SLC28A3: variants seen among roughly 807,000 people sequenced by gnomAD.
SLC28A3 encodes the protein concentrative Na(+)-nucleoside cotransporter 3.
Under a neutral mutation model 84.2 loss-of-function variants are expected in SLC28A3, and 68 were observed. That is an observed-to-expected ratio of 0.81 (90% confidence interval 0.66 to 0.99). The LOEUF is 0.99. Ranked by LOEUF, SLC28A3 falls within the 50% of genes least tolerant of loss-of-function variation. SLC28A3 has a pLI of 0.00. For synonymous variants in SLC28A3, 267 were observed against 303.6 expected, an observed-to-expected ratio of 0.88 and a Z score of 1.25; for missense variants, 712 against 841.5, an observed-to-expected ratio of 0.85 and a Z score of 1.90.
intron 6 of SLC28A3, 121 bp downstream of exon 6, chr9:84,299,460 A>G: frequency 1.5e-6 from 2 of 1,297,566 alleles, no homozygotes; most frequent in South Asian, 1.5e-5. Flanking sequence ...ACGTTAAATA[A>G]TCCCATCAAG....
intron 2 of SLC28A3, chr9:84,310,546 C>G (rs1825955626): frequency 2.0e-6 from 2 of 985,312 alleles, no homozygotes; most frequent in Non-Finnish European, 2.4e-6. Flanking sequence ...TGTCAAATCT[C>G]AGCACTTGTC....
At chr9:84,307,365 A>G (rs1336530225) in intron 3 of SLC28A3, among the ~76,000 whole-genome samples, 1 of 147,104 alleles carries the variant, frequency 6.8e-6, no homozygotes, top group Non-Finnish European at 1.5e-5. Context: ...TAGGAGGCGG[A>G]GGTTGCAGTG....
intron 1 of SLC28A3, among the ~76,000 whole-genome samples, chr9:84,337,719 TTCC>T (rs1827031144): frequency 6.6e-6 from 1 of 152,200 alleles, no homozygotes; most frequent in Admixed American, 6.5e-5. Flanking sequence ...ATGAAGTCAT[TTCC>T]ATCCTCAGCC....
chr9:84,288,410 C>G (rs1479249641), intron 11 of SLC28A3, among the ~76,000 whole-genome samples: 2 of 152,106 alleles, frequency 1.3e-5, no homozygotes, highest in African/African-American at 2.4e-5. Context: ...TGACCACATC[C>G]CTGGGGAGAA....
chr9:84,292,870 T>A, intron 9 of SLC28A3, 122 bp from the exon 10 acceptor site: 1 of 628,162 alleles, frequency 1.6e-6, no homozygotes, highest in Non-Finnish European at 2.6e-6. Flanking sequence ...GTCAGCAAGC[T>A]AATGATGGAG....
chr9:84,318,683 A>G (rs1373826394), intron 1 of SLC28A3, among the ~76,000 whole-genome samples: 1 of 152,040 alleles, frequency 6.6e-6, no homozygotes, highest in African/African-American at 2.4e-5. Flanking sequence ...AGCCTGACCA[A>G]TATGATGAAA....
chr9:84,302,060 T>G, intron 5 of SLC28A3, 140 bp downstream of exon 5: 1 of 725,794 alleles, frequency 1.4e-6, no homozygotes, highest in Non-Finnish European at 2.2e-6. Flanking sequence ...AATGAAGACA[T>G]TGTAACAGAT....
At chr9:84,352,892 C>CAAAAAAAAAAA in the SLC28A3 span, among the ~76,000 whole-genome samples, 1 of 72,808 alleles carries the variant, frequency 1.4e-5, no homozygotes, top group Non-Finnish European at 2.5e-5. Context: ...GATTCTGTCT[C>CAAAAAAAAAAA]AAAAAAAAAA....
chr9:84,353,144 TA>T, the SLC28A3 span, among the ~76,000 whole-genome samples: 233 of 152,008 alleles, frequency 1.5e-3, no homozygotes, highest in Non-Finnish European at 1.3e-3. Flanking sequence ...TCTGACATTA[TA>T]AAAAAAAGAA....
chr9:84,301,203 A>T (rs905418339), intron 5 of SLC28A3, among the ~76,000 whole-genome samples: 1 of 151,820 alleles, frequency 6.6e-6, no homozygotes, highest in African/African-American at 2.4e-5. Flanking sequence ...ACACAAAAAA[A>T]TTAGCTGGGT....
upstream of SLC28A3, among the ~76,000 whole-genome samples, chr9:84,342,127 C>CAAAAAAAAAAAAAAAAAA (rs200186519): frequency 4.4e-5 from 3 of 68,740 alleles, no homozygotes; most frequent in Admixed American, 1.4e-4. Context: ...GACCCTGTCT[C>CAAAAAAAAAAAAAAAAAA]AAAAAAAAAA....
At chr9:84,293,691 T>A (rs1825317034) in intron 9 of SLC28A3, among the ~76,000 whole-genome samples, 1 of 152,170 alleles carries the variant, frequency 6.6e-6, no homozygotes, top group African/African-American at 2.4e-5. Flanking sequence ...TGTATGTGTG[T>A]GTGTATGCAT....
chr9:84,350,357 G>A, the SLC28A3 span, among the ~76,000 whole-genome samples: 8,441 of 152,076 alleles, frequency 0.056, 478 homozygotes, highest in East Asian at 0.17. Flanking sequence ...CAGGGGAATC[G>A]CTTGAACCAG....
At chr9:84,350,563 C>T in the SLC28A3 span, among the ~76,000 whole-genome samples, 7,543 of 152,074 alleles carry the variant, frequency 0.05, 567 homozygotes, top group African/African-American at 0.16. Context: ...GGACTAGGTT[C>T]TAGGTGAGTC....
intron 1 of SLC28A3, among the ~76,000 whole-genome samples, chr9:84,316,502 T>C (rs1246752339): frequency 6.6e-6 from 1 of 152,214 alleles, no homozygotes; most frequent in Non-Finnish European, 1.5e-5. Flanking sequence ...AACTGGACCA[T>C]GGATACAAGG....
intron 2 of SLC28A3, chr9:84,310,458 G>C (rs1480669483): frequency 1.0e-6 from 1 of 985,260 alleles, no homozygotes; most frequent in African/African-American, 1.7e-5. Context: ...CCTGGCTCTT[G>C]TAACCAATGG....
the SLC28A3 span, among the ~76,000 whole-genome samples, chr9:84,359,298 G>A: frequency 2.8e-4 from 43 of 152,268 alleles, no homozygotes; most frequent in Middle Eastern, 6.8e-3. Context: ...TACATGACTT[G>A]TGTGATCTAA....
chr9:84,295,435 A>C lies in SLC28A3; in HGVS notation c.862-1160T>G, dbSNP rs954133566. Among the ~76,000 whole-genome samples, 17 of 152,078 alleles carry C rather than the reference A, an allele frequency of 1.1e-4. 1 individual carries two copies. The highest frequency in any genetic ancestry group is 4.1e-4 in the African/African-American group (17 of 41,412). On this transcript the variant is annotated intron_variant, in intron 8 of 17. Transcript: ENST00000376238. ...CCCTGTCTCTACTAAAAATACAAAA[A>C]TTAGCCAGGCGTGGTGGCACACTCA...
In SLC28A3 at chr9:84,329,058, T is replaced by C. The variant is rs187433800; in HGVS notation, c.60+11516A>G. ...GGATGGGAAAGATATAACATGCAAA[T>C]AGTAACCAAAGAGAGCTTGAGTGGC... On this transcript the variant is annotated intron_variant, in intron 1 of 17. Transcript: ENST00000376238. Among the ~76,000 whole-genome samples, 3 of 152,234 alleles carry C rather than the reference T, an allele frequency of 2.0e-5. No homozygotes were observed. The East Asian group carries it at 5.8e-4, about 29-fold the overall frequency.
Sources: allele counts gnomAD v4.1 joint callset (sites outside exome capture counted in the v4.1 genomes callset), GRCh38; gene constraint gnomAD v4.1.1; transcripts MANE v1.5; gene names NCBI Gene and HGNC (gene_info 2026-07-23, HGNC 2026-07-21).